Variants in TRAPPC9 observed in about 807,000 individuals in gnomAD.
TRAPPC9 encodes the protein trafficking protein particle complex subunit 9, also known as IKK2 binding protein.
Under a neutral mutation model 124.0 loss-of-function variants are expected in TRAPPC9, and 83 were observed. The ratio of observed to expected loss-of-function variants is 0.67; its 90% confidence interval spans 0.56 to 0.80. TRAPPC9 has a LOEUF of 0.80. Among genes scored for constraint, TRAPPC9 ranks in the 30% least tolerant of loss-of-function variants. The probability of loss-of-function intolerance (pLI) is 0.00; values close to 1 mark genes in which losing one functional copy is unlikely to be tolerated. For synonymous variants in TRAPPC9, 638 were observed against 617.5 expected (o/e 1.03, Z -0.49); for missense variants, 1,302 against 1,508.3 (o/e 0.86, Z 2.27).
intron 17 of TRAPPC9, among the ~76,000 whole-genome samples, chr8:140,192,176 T>C (rs2062508974): frequency 6.6e-6 from 1 of 152,240 alleles, no homozygotes; most frequent in South Asian, 2.1e-4. Flanking sequence ...TGAACATCTA[T>C]AATTTGCAAA....
chr8:139,826,023 C>T (rs535640547), intron 21 of TRAPPC9, among the ~76,000 whole-genome samples: 2 of 152,270 alleles, frequency 1.3e-5, no homozygotes, highest in African/African-American at 4.8e-5. Flanking sequence ...GGGTGAGAGC[C>T]CATTCTGCCT....
chr8:140,038,222 G>A (rs1288940603), intron 17 of TRAPPC9, among the ~76,000 whole-genome samples: 2 of 152,072 alleles, frequency 1.3e-5, no homozygotes, highest in African/African-American at 4.8e-5. Context: ...AAGCTGATTC[G>A]CCGCAGTGCC....
intron 17 of TRAPPC9, among the ~76,000 whole-genome samples, chr8:140,078,393 C>A (rs1843626462): frequency 6.6e-6 from 1 of 152,136 alleles, no homozygotes; most frequent in East Asian, 1.9e-4. Context: ...TTTGATCCCA[C>A]CAAAATCTTG....
chr8:140,389,621 A>G (rs2068864637), intron 7 of TRAPPC9, among the ~76,000 whole-genome samples: 1 of 152,210 alleles, frequency 6.6e-6, no homozygotes, highest in Admixed American at 6.5e-5. Flanking sequence ...TACAGTCCCC[A>G]GTCTAGAATC....
rs972257804 is a variant in TRAPPC9, at chr8:140,003,538, G to A, written c.2700-14702C>T. On this transcript the variant is annotated intron_variant, in intron 18 of 22. Transcript: ENST00000438773. ...AATCGCTTGAACCTGGGAGGCACAG[G>A]TTGCAGTAAGATGAGATCGCACCAC... Among the ~76,000 whole-genome samples the A allele has an allele frequency of 2.4e-4, 36 of 150,184 alleles. 1 individual carries two copies. Among genetic ancestry groups the A allele is most frequent in the African/African-American group, 8.9e-4 (36 of 40,630 alleles).
chr8:139,928,287 T>C (rs1365048678), intron 19 of TRAPPC9, among the ~76,000 whole-genome samples: 3 of 151,632 alleles, frequency 2.0e-5, no homozygotes, highest in African/African-American at 4.9e-5. Flanking sequence ...AGGTCAGGAG[T>C]TCGAGACTAG....
At chr8:139,797,290 T>C (rs1257888034) in intron 21 of TRAPPC9, among the ~76,000 whole-genome samples, 5 of 152,206 alleles carry the variant, frequency 3.3e-5, no homozygotes, top group African/African-American at 1.2e-4. Flanking sequence ...GATGGAGTCT[T>C]GGTCTGTCGC....
intron 17 of TRAPPC9, among the ~76,000 whole-genome samples, chr8:140,075,641 C>G (rs1007888143): frequency 5.9e-5 from 9 of 152,212 alleles, no homozygotes; most frequent in African/African-American, 2.2e-4. Flanking sequence ...ATTATATGCA[C>G]GTCAGTAAAG....
intron 21 of TRAPPC9, among the ~76,000 whole-genome samples, chr8:139,867,054 T>C (rs964581622): frequency 2.0e-5 from 3 of 152,186 alleles, no homozygotes; most frequent in Non-Finnish European, 4.4e-5. Flanking sequence ...AGGCTGGTCT[T>C]GAACTCTAAC....
At position 139,729,693 on chromosome 8, in the gene TRAPPC9, G is replaced by C. The variant is rs1165885237; in HGVS notation, c.*1368C>G. ...CCTTGCTCCCAGCGAGGGAGGTTTG[G>C]GCCTGGGACTTCAGGTCCTCAGGAA... On this transcript the variant is annotated 3_prime_UTR_variant, in exon 23 of 23. Coordinates refer to ENST00000438773, the MANE Select transcript of TRAPPC9 (RefSeq NM_001160372.4). Among the ~76,000 whole-genome samples, 1 of 151,952 alleles carries C rather than the reference G, an allele frequency of 6.6e-6. No homozygotes were observed. The highest frequency in any genetic ancestry group is 1.5e-5 in the Non-Finnish European group (1 of 68,018).
At chr8:140,402,965 T>C (rs534946944) in intron 6 of TRAPPC9, among the ~76,000 whole-genome samples, 74 of 152,286 alleles carry the variant, frequency 4.9e-4, no homozygotes, top group Non-Finnish European at 8.7e-4. Flanking sequence ...GATAATTAGA[T>C]AATTATAAAA....
At chr8:140,248,614 G>A (rs1432078154) in intron 16 of TRAPPC9, among the ~76,000 whole-genome samples, 4 of 152,190 alleles carry the variant, frequency 2.6e-5, no homozygotes, top group Non-Finnish European at 4.4e-5. Flanking sequence ...TAGTTGTTCA[G>A]TCTGTTTGAC....
At chr8:139,939,811 A>G (rs1039898549) in intron 19 of TRAPPC9, among the ~76,000 whole-genome samples, 4 of 152,190 alleles carry the variant, frequency 2.6e-5, no homozygotes, top group African/African-American at 9.6e-5. Context: ...TAAGTTCAGA[A>G]TGGCAACAAA....
At chr8:139,780,167 G>A (rs1041028339) in intron 21 of TRAPPC9, among the ~76,000 whole-genome samples, 1 of 152,100 alleles carries the variant, frequency 6.6e-6, no homozygotes, top group Non-Finnish European at 1.5e-5. Context: ...TGATTCTAAA[G>A]TTTATATGGA....
chr8:139,889,120 GA>G (rs2131139027), intron 20 of TRAPPC9, among the ~76,000 whole-genome samples: 1 of 152,308 alleles, frequency 6.6e-6, no homozygotes, highest in East Asian at 1.9e-4. Context: ...GGCCCTTAAA[GA>G]AAAGGACATT....
rs150488440 is a variant in TRAPPC9, at chr8:140,159,684, C to T, written c.2556+61775G>A. On this transcript the variant is annotated intron_variant, in intron 17 of 22. Transcript: ENST00000438773. The stretch of plus-strand genomic sequence containing the variant: ...TCGAGCATTACATGTAAAAGAGGAG[C>T]AAAAAAAACCCAAATCAAATTCTCA... Among the ~76,000 whole-genome samples, 5 of 151,718 alleles carry T rather than the reference C, an allele frequency of 3.3e-5. No individual in the cohort carries two copies. In the East Asian group the frequency reaches 9.7e-4, roughly 29 times the overall value.
At chr8:139,954,896 G>A (rs976646536) in intron 19 of TRAPPC9, among the ~76,000 whole-genome samples, 4 of 152,128 alleles carry the variant, frequency 2.6e-5, no homozygotes, top group South Asian at 2.1e-4. Flanking sequence ...GTCCATATAC[G>A]TTCACAATTC....
chr8:140,232,771 AG>A (rs2063631047), intron 16 of TRAPPC9, among the ~76,000 whole-genome samples: 1 of 152,242 alleles, frequency 6.6e-6, no homozygotes, highest in South Asian at 2.1e-4. Context: ...AATTCCCCAA[AG>A]AAAGCCACAG....
intron 16 of TRAPPC9, among the ~76,000 whole-genome samples, chr8:140,228,275 G>C (rs2063501401): frequency 6.6e-6 from 1 of 152,212 alleles, no homozygotes; most frequent in South Asian, 2.1e-4. Flanking sequence ...AGGGTATGCT[G>C]TTCCAGGTAG....
Sources: gnomAD v4.1 joint callset for allele counts (sites outside exome capture counted in the v4.1 genomes callset) on GRCh38, gnomAD v4.1.1 for gene constraint, MANE v1.5 for transcripts, NCBI Gene and HGNC (gene_info 2026-07-23, HGNC 2026-07-21) for gene names.